MYH1: variants seen among roughly 807,000 people sequenced by gnomAD.
The protein encoded by MYH1 is myosin heavy chain 1.
In MYH1, 214 loss-of-function variants were observed where a neutral mutation model predicts 225.6. The observed-to-expected ratio is 0.95, with a 90% CI of 0.85 to 1.06. The LOEUF (loss-of-function observed/expected upper bound fraction) is 1.06, where lower values mean the gene tolerates loss of function less well. Ranked by LOEUF, MYH1 falls within the 50% of genes least tolerant of loss-of-function variation. The pLI, the probability that MYH1 is intolerant of heterozygous loss-of-function variation, is 0.00. For missense variants in MYH1, 2,098 were observed against 2,344.2 expected (o/e 0.89, Z 2.17); for synonymous variants, 774 against 842.3 (o/e 0.92, Z 1.40).
At chr17:10,501,069 AAAC>A in intron 27 of MYH1, 38 bp downstream of exon 27, 1 of 1,604,236 alleles carries the variant, frequency 6.2e-7, no homozygotes, top group South Asian at 1.1e-5. Flanking sequence ...CTAAAGGGAA[AAAC>A]AAAAAACCAA....
chr17:10,509,686 C>T lies in MYH1; in HGVS notation c.1417-31G>A, dbSNP rs766246174. 1.9e-6 allele frequency: 3 copies of T among 1,614,026 alleles called. No homozygotes were observed. In the African/African-American group the frequency reaches 4.0e-5, roughly 22 times the overall value. On this transcript the variant is annotated intron_variant, in intron 14 of 39. Transcript: ENST00000226207. ...TGAGTTGAAAATACAAATTAGCATT[C>T]AATTTATAATGAAATCTTCTCTTTG... is the stretch of plus-strand genomic sequence containing the variant.
rs139988357 is a variant in MYH1 at position 10,509,802 on chromosome 17, G to A, written c.1417-147C>T. 5 of 1,382,630 alleles carry A rather than the reference G, an allele frequency of 3.6e-6. No homozygotes were observed. The African/African-American group carries it at 7.2e-5, about 20-fold the overall frequency. 85.6% of individuals were successfully genotyped at this position (1,382,630 alleles called of 1,614,324 possible). On this transcript the variant is annotated intron_variant, in intron 14 of 39. Coordinates refer to ENST00000226207, the MANE Select transcript of MYH1 (RefSeq NM_005963.4). ...CCTACACAATGAAGTTTTTGCTGCT[G>A]TTAGCATACTTGTTAAAATTGTCTC...
chr17:10,502,760 T>C lies in MYH1; in HGVS notation c.3089A>G (p.Lys1030Arg). ...TACATCATCCACTTGTTGTTCAAGT[T>C]TGATTTTAGCTTTGGTCAGGGTGTT... Reference protein sequence around the residue: ...KVNTLTKAKIKLEQQVDDLEG... With the variant: ...KVNTLTKAKIRLEQQVDDLEG... The change falls in exon 24 of 40, where the codon AAA becomes AGA. Residue 1030 changes from lysine (K) to arginine (R), a missense_variant. Lys to Arg is a conservative substitution (Grantham distance 26). Coordinates refer to ENST00000226207, the MANE Select transcript of MYH1 (RefSeq NM_005963.4). 1 of 1,614,206 alleles carries C rather than the reference T, an allele frequency of 6.2e-7. No individual in the cohort carries two copies. The highest frequency in any genetic ancestry group is 1.1e-5 in the South Asian group (1 of 91,090).
At position 10,509,545 on chromosome 17, in the gene MYH1, A is replaced by G. The variant is rs1489886684; in HGVS notation, c.1527T>C (p.Ile509=). ...LEQEEYKKEG[I]EWTFIDFGMD... ...TCCCAAAGTCAATGAACGTCCACTC[A>G]ATGCCTTCCTTCTTGTACTCCTCCT... The change falls in exon 15 of 40, where the codon ATT becomes ATC. Residue 509 remains isoleucine (I), a synonymous_variant. Transcript: ENST00000226207. 10 of 1,614,190 alleles carry G rather than the reference A, an allele frequency of 6.2e-6. No individual in the cohort carries two copies. Among genetic ancestry groups the G allele is most frequent in the Middle Eastern group, 1.6e-4 (1 of 6,062 alleles).
Position 10,506,052 on chromosome 17 carries a change from G to T in MYH1, c.2016C>A (p.His672Gln). Reference sequence around the variant, plus strand: ...CATTGGGGATGATGCACCGCACAAAGTGGGGGTGAGTGCTCCTCAAGTTGG... The same window carrying T: ...CATTGGGGATGATGCACCGCACAAATTGGGGGTGAGTGCTCCTCAAGTTGG... ...LMTNLRSTHP[H>Q]FVRCIIPNET... The change falls in exon 18 of 40, where the codon CAC (histidine) becomes CAA (glutamine). Residue 672 changes from histidine to glutamine, a missense_variant. By Grantham distance (24) the His-to-Gln change is conservative. Transcript: ENST00000226207. The T allele has an allele frequency of 6.2e-7, 1 of 1,614,200 alleles. No homozygotes were observed. Among genetic ancestry groups the T allele is most frequent in the Non-Finnish European group, 8.5e-7 (1 of 1,180,036 alleles).
intron 22 of MYH1, 87 bp downstream of exon 22, chr17:10,504,723 T>A: frequency 6.9e-7 from 1 of 1,439,274 alleles, no homozygotes; most frequent in South Asian, 1.3e-5. Context: ...ATCTGTCCCT[T>A]ATTTGGTAGA....
Position 10,506,181 on chromosome 17 carries a change from T to C in MYH1, c.1969-82A>G. 4 of 1,543,500 alleles carry C rather than the reference T, an allele frequency of 2.6e-6. 1 individual carries two copies. The highest frequency in any genetic ancestry group is 3.5e-6 in the Non-Finnish European group (4 of 1,129,074). On this transcript the variant is annotated intron_variant, in intron 17 of 39. Transcript: ENST00000226207. ...TTATAGACATAATTATTGAGATCTATGACAGTGGTTTAATTCTAATGAATA... is the reference window on the plus strand; with the variant it reads ...TTATAGACATAATTATTGAGATCTACGACAGTGGTTTAATTCTAATGAATA...
chr17:10,494,216 A>G (rs1207141907), intron 39 of MYH1, 138 bp downstream of exon 39: 3 of 765,584 alleles, frequency 3.9e-6, no homozygotes, highest in Non-Finnish European at 6.1e-6. Context: ...GGTTGGTTTT[A>G]CCTCAGCCTT....
intron 28 of MYH1, among the ~76,000 whole-genome samples, chr17:10,500,022 A>C (rs542622823): frequency 2.6e-5 from 4 of 152,288 alleles, no homozygotes; most frequent in African/African-American, 9.6e-5. Flanking sequence ...TACAAATCTT[A>C]CTTGAATGCT....
In MYH1 at chr17:10,498,996, C is replaced by A; in HGVS notation, c.3962G>T (p.Arg1321Met). Reference sequence around the variant, plus strand: ...TACCTTTATCTCCTCTTCAAGTTGCCTTTTCAGTTCCTCAATCTGTTGTGT... The same window carrying A: ...TACCTTTATCTCCTCTTCAAGTTGCATTTTCAGTTCCTCAATCTGTTGTGT... ...AFTQQIEELKRQLEEEIKAKS... is the reference protein window; with the variant it reads ...AFTQQIEELKMQLEEEIKAKS... The change falls in exon 29 of 40, where the codon AGG becomes ATG. Residue 1321 changes from arginine to methionine, a missense_variant. By Grantham distance (91) the Arg-to-Met change is moderately conservative. Coordinates refer to ENST00000226207, the MANE Select transcript of MYH1 (RefSeq NM_005963.4). 1 of 1,613,706 alleles carries A rather than the reference C, an allele frequency of 6.2e-7. No homozygotes were observed. Among genetic ancestry groups the A allele is most frequent in the Non-Finnish European group, 8.5e-7 (1 of 1,179,610 alleles).
chr17:10,500,892 G>C, intron 27 of MYH1, 140 bp from the exon 28 acceptor site: 1 of 1,379,440 alleles, frequency 7.2e-7, no homozygotes, highest in East Asian at 2.4e-5. Flanking sequence ...ACCAGCAAAG[G>C]TCTTAGATAG....
rs555616978 is a variant in MYH1 at position 10,504,456 on chromosome 17, G to A, written c.2691+354C>T. 2.6e-5 allele frequency among the ~76,000 whole-genome samples: 4 copies of A among 152,278 alleles called. 1 individual carries two copies. The South Asian group carries it at 8.3e-4, about 32-fold the overall frequency. ...TTCAAGTTAATGTGTTTTCATCAAAGTCTCCTTCCTCTTCACTGACAATAT... is the reference window on the plus strand; with the variant it reads ...TTCAAGTTAATGTGTTTTCATCAAAATCTCCTTCCTCTTCACTGACAATAT... On this transcript the variant is annotated intron_variant, in intron 22 of 39. Transcript: ENST00000226207.
Position 10,507,935 on chromosome 17 carries a change from CCTTT to C in MYH1, c.1915_1918del (p.Lys639ValfsTer20). The C allele has an allele frequency of 6.2e-7, 1 of 1,613,762 alleles. No individual in the cohort carries two copies. The highest frequency in any genetic ancestry group is 8.5e-7 in the Non-Finnish European group (1 of 1,179,838). ...GAAAGAAGAACCCTTCTTCTTACCA[CCTTT>C]CTTTCCACCGCCAGCCTCTGAGGGG... On this transcript the variant is annotated frameshift_variant, in exon 17 of 40. Transcript: ENST00000226207. LOFTEE classifies it high-confidence loss of function.
chr17:10,505,607 A>T (rs912739779), intron 19 of MYH1, 96 bp from the exon 20 acceptor site: 4 of 1,469,980 alleles, frequency 2.7e-6, no homozygotes, highest in Non-Finnish European at 3.7e-6. Flanking sequence ...GGGTAATCTG[A>T]AATAAACAAG....
intron 34 of MYH1, 23 bp from the exon 35 acceptor site, chr17:10,496,176 G>C: frequency 6.2e-7 from 1 of 1,614,166 alleles, no homozygotes. Context: ...CCGTCATTGA[G>C]ACACCATGTA....
intron 30 of MYH1, 135 bp from the exon 31 acceptor site, chr17:10,498,052 T>C (rs936599524): frequency 1.2e-6 from 1 of 837,102 alleles, no homozygotes; most frequent in African/African-American, 1.7e-5. Context: ...GGTCCAGTTC[T>C]ATATTAACTC....
rs561962011 is a variant in MYH1 at position 10,497,541 on chromosome 17, G to A, written c.4366-89C>T. ...TTCTAGCACCTCTCAGAGTTGAGGTGTTCTGGGACTGAAAAAAAATTATGA... is the reference window on the plus strand; with the variant it reads ...TTCTAGCACCTCTCAGAGTTGAGGTATTCTGGGACTGAAAAAAAATTATGA... On this transcript the variant is annotated intron_variant, in intron 31 of 39. Coordinates refer to ENST00000226207, the MANE Select transcript of MYH1 (RefSeq NM_005963.4). 23 of 1,514,682 alleles carry A rather than the reference G, an allele frequency of 1.5e-5. No homozygotes were observed. The East Asian group carries it at 4.8e-4, about 32-fold the overall frequency. The allele number at this position is 1,514,682 out of a possible 1,614,324, so 93.8% of individuals were successfully genotyped here.
At chr17:10,506,635 G>A (rs2073115067) in intron 17 of MYH1, among the ~76,000 whole-genome samples, 1 of 152,068 alleles carries the variant, frequency 6.6e-6, no homozygotes, top group Admixed American at 6.5e-5. Flanking sequence ...TGGGATTACA[G>A]GCACATGCCA....
At chr17:10,505,351 A>G in intron 20 of MYH1, 37 bp downstream of exon 20, 1 of 1,614,206 alleles carries the variant, frequency 6.2e-7, no homozygotes, top group Non-Finnish European at 8.5e-7. Context: ...GTTCAAAGGG[A>G]CAGGAATAGC....
Sources: gnomAD v4.1 joint callset for allele counts (sites outside exome capture counted in the v4.1 genomes callset) on GRCh38, gnomAD v4.1.1 for gene constraint, MANE v1.5 for transcripts, NCBI Gene and HGNC (gene_info 2026-07-23, HGNC 2026-07-21) for gene names.